TTN: variants seen among roughly 807,000 people sequenced by gnomAD.
TTN encodes titin.
In TTN, 1,525 loss-of-function variants were observed where a neutral mutation model predicts 3,223.0. That is an observed-to-expected ratio of 0.47 (90% CI 0.45 to 0.49). The LOEUF (loss-of-function observed/expected upper bound fraction) is 0.49. TTN is among the 20% of genes least tolerant of loss of function. The pLI is 0.00. For synonymous variants in TTN, 14,094 were observed against 15,161.0 expected, an observed-to-expected ratio of 0.93 and a Z score of 5.17; for missense variants, 40,786 against 43,424.0, an observed-to-expected ratio of 0.94 and a Z score of 5.40.
rs1577994546 is a variant in TTN at position 178,720,483 on chromosome 2, T to C, written c.23279A>G (p.His7760Arg). The C allele has an allele frequency of 6.2e-7, 1 of 1,613,726 alleles. No individual in the cohort carries two copies. Among genetic ancestry groups the C allele is most frequent in the Non-Finnish European group, 8.5e-7 (1 of 1,179,688 alleles). ...ITSKHFDTSL[H>R]ILNLEASDVG... ...ATCGGAGGCTTCAAGATTAAGGATA[T>C]GAAGACTTGTATCAAAATGTTTTGA... is the stretch of plus-strand genomic sequence containing the variant. Residue 7760 changes from histidine (H) to arginine (R), a missense_variant, in exon 80 of 363, where the codon CAT becomes CGT. By Grantham distance (29) the His-to-Arg change is conservative (BLOSUM62 0). Coordinates refer to ENST00000589042, the MANE Select transcript of TTN (RefSeq NM_001267550.2).
chr2:178,731,031 T>G lies in TTN; in HGVS notation c.17634A>C (p.Ser5878=). 3 of 1,613,688 alleles carry G rather than the reference T, an allele frequency of 1.9e-6. No homozygotes were observed. The highest frequency in any genetic ancestry group is 2.5e-6 in the Non-Finnish European group (3 of 1,179,706). ...TTTCTGTAGAAATAATCTTCAGTAT[T>G]GAGACTGTATCAGTGACACTGATTT... is the stretch of plus-strand genomic sequence containing the variant. ...KYKISVTDTV[S]ILKIISTEKK... Residue 5878 remains serine (S), a synonymous_variant, in exon 60 of 363, where the codon TCA becomes TCC. Coordinates refer to ENST00000589042, the MANE Select transcript of TTN (RefSeq NM_001267550.2).
rs764418855 is a variant in TTN at position 178,527,041 on chromosome 2, T to G, written c.107947A>C (p.Thr35983Pro). Reference protein sequence around the residue: ...LGNEFGSDSATVNIHIRSI With the variant: ...LGNEFGSDSAPVNIHIRSI Reference sequence around the variant, plus strand: ...ATGGATCGAATATGTATATTCACAGTGGCAGAGTCAGATCCAAATTCATTC... The same window carrying G: ...ATGGATCGAATATGTATATTCACAGGGGCAGAGTCAGATCCAAATTCATTC... The change falls in exon 363 of 363, where the codon ACT (threonine) becomes CCT (proline). Residue 35983 changes from threonine to proline, a missense_variant. Transcript: ENST00000589042. The G allele has an allele frequency of 4.3e-6, 7 of 1,613,748 alleles. No individual in the cohort carries two copies. Among genetic ancestry groups the G allele is most frequent in the Admixed American group, 1.7e-5 (1 of 60,020 alleles).
chr2:178,751,379 T>G (rs1314847514), intron 47 of TTN: 1 of 1,606,558 alleles, frequency 6.2e-7, no homozygotes, highest in South Asian at 1.1e-5. Flanking sequence ...TAAATATTCT[T>G]CATCATACAT....
At position 178,535,042 on chromosome 2, in the gene TTN, A is replaced by C; in HGVS notation, c.101573T>G (p.Val33858Gly). The C allele has an allele frequency of 2.5e-6, 4 of 1,613,858 alleles. No homozygotes were observed. The highest frequency in any genetic ancestry group is 3.4e-6 in the Non-Finnish European group (4 of 1,179,850). Residue 33858 changes from valine to glycine, a missense_variant, in exon 358 of 363, where the codon GTT becomes GGT. Physicochemically the swap from Val to Gly is moderately radical, Grantham distance 109 (BLOSUM62 -3). Coordinates refer to ENST00000589042, the MANE Select transcript of TTN (RefSeq NM_001267550.2). ...KFVKVKGTDQ[V>G]LVKKEISILN... is the part of the protein sequence containing the mutation. ...AATGGAAATTTCCTTCTTTACCAAA[A>C]CCTGATCAGTCCCTTTGACTTTAAC... is the stretch of plus-strand genomic sequence containing the variant.
At chr2:178,719,003 A>C in intron 83 of TTN, 30 bp from the exon 84 acceptor site, 1 of 1,541,986 alleles carries the variant, frequency 6.5e-7, no homozygotes. Context: ...AGGGGAGATA[A>C]AGAGAAGAAA....
rs369526268 is a variant in TTN at position 178,575,562 on chromosome 2, T to C, written c.70570A>G (p.Thr23524Ala). ...EYGIGEPTET[T>A]EPVKASEAPS... ...GCTTCAGAGGCTTTTACGGGCTCTG[T>C]AGTTTCTGTTGGCTCACCAATTCCA... The change falls in exon 326 of 363, where the codon ACA becomes GCA. Residue 23524 changes from threonine to alanine, a missense_variant. Thr to Ala is a moderately conservative substitution (Grantham distance 58, BLOSUM62 0). Coordinates refer to ENST00000589042, the MANE Select transcript of TTN (RefSeq NM_001267550.2). This position sits in a 1 kb window ranked among gnomAD's most constrained non-coding sequence, Gnocchi z 4.0. 90 of 1,613,562 alleles carry C rather than the reference T, an allele frequency of 5.6e-5. No individual in the cohort carries two copies. Among genetic ancestry groups the C allele is most frequent in the Non-Finnish European group, 7.3e-5 (86 of 1,179,668 alleles).
Position 178,601,478 on chromosome 2 carries a change from C to T in TTN, c.55519G>A (p.Gly18507Arg), listed in dbSNP as rs749948987. 6.2e-7 allele frequency: 1 copy of T among 1,613,016 alleles called. No homozygotes were observed. Among genetic ancestry groups the T allele is most frequent in the Non-Finnish European group, 8.5e-7 (1 of 1,179,314 alleles). Reference sequence around the variant, plus strand: ...ACATAGCCTTTGATCCTGTCTCCTCCATCGTCGTCTGGCATCTTCCATGAA... The same window carrying T: ...ACATAGCCTTTGATCCTGTCTCCTCTATCGTCGTCTGGCATCTTCCATGAA... The part of the protein sequence containing the change: ...RLSWKMPDDD[G>R]GDRIKGYVIE... Residue 18507 changes from glycine to arginine, a missense_variant, in exon 287 of 363, where the codon GGA (glycine) becomes AGA (arginine). Physicochemically the swap from Gly to Arg is moderately radical, Grantham distance 125. Coordinates refer to ENST00000589042, the MANE Select transcript of TTN (RefSeq NM_001267550.2).
In TTN at chr2:178,732,065, C is replaced by T. The variant is rs2080635532; in HGVS notation, c.16903+1G>A. 6.3e-7 allele frequency: 1 copy of T among 1,599,686 alleles called. No homozygotes were observed. The highest frequency in any genetic ancestry group is 8.5e-7 in the Non-Finnish European group (1 of 1,170,834). On this transcript the variant is annotated splice_donor_variant, in intron 57 of 362. Transcript: ENST00000589042. LOFTEE classifies it high-confidence loss of function. ...ACACAAGAGGCAAAGTGAACACAAA[C>T]CTTTGACTATTACAATGCTACTGCA...
At chr2:178,716,545 G>T (rs2077513434) in intron 88 of TTN, among the ~76,000 whole-genome samples, 2 of 152,150 alleles carry the variant, frequency 1.3e-5, no homozygotes, top group African/African-American at 4.8e-5. Context: ...CGATAAACAT[G>T]TGGCAGAAAC....
Position 178,636,037 on chromosome 2 carries a change from G to C in TTN, c.41534C>G (p.Thr13845Arg). The change falls in exon 226 of 363, where the codon ACA (threonine) becomes AGA (arginine). Residue 13845 changes from threonine (T) to arginine (R), a missense_variant. Transcript: ENST00000589042. This position sits in a 1 kb window ranked among gnomAD's most constrained non-coding sequence, Gnocchi z 4.3. Reference sequence around the variant, plus strand: ...AGTAACTGTGTATGTTCCAGCATCTGTGTCATCTGCATCGTTGATGGTCAG... The same window carrying C: ...AGTAACTGTGTATGTTCCAGCATCTCTGTCATCTGCATCGTTGATGGTCAG... ...RALTINDADD[T>R]DAGTYTVTVE... 2 of 1,613,204 alleles carry C rather than the reference G, an allele frequency of 1.2e-6. No individual in the cohort carries two copies. Among genetic ancestry groups the C allele is most frequent in the East Asian group, 2.2e-5 (1 of 44,768 alleles).
chr2:178,652,769 G>A, intron 200 of TTN, 33 bp from the exon 201 acceptor site: 3 of 1,609,322 alleles, frequency 1.9e-6, no homozygotes, highest in Non-Finnish European at 1.7e-6. Flanking sequence ...ACATTTAGGG[G>A]TTATGAAGAC....
intron 164 of TTN, 103 bp from the exon 165 acceptor site, chr2:178,665,563 C>A: frequency 2.2e-6 from 3 of 1,387,464 alleles, no homozygotes; most frequent in South Asian, 1.3e-5. Context: ...AAGATGATTC[C>A]TTTAAAGAAT....
In TTN at chr2:178,715,012, G is replaced by A. The variant is rs1342253967; in HGVS notation, c.26174C>T (p.Thr8725Ile). 12 of 1,612,146 alleles carry A rather than the reference G, an allele frequency of 7.4e-6. No homozygotes were observed. The highest frequency in any genetic ancestry group is 5.3e-5 in the African/African-American group (4 of 74,892). Residue 8725 changes from threonine to isoleucine, a missense_variant, in exon 90 of 363, where the codon ACT becomes ATT. Coordinates refer to ENST00000589042, the MANE Select transcript of TTN (RefSeq NM_001267550.2). ...TTTGAGAGCGATGGAACCAACGCAAGTGTCGCTTCCCACATCATTTGTGGC... is the reference window on the plus strand; with the variant it reads ...TTTGAGAGCGATGGAACCAACGCAAATGTCGCTTCCCACATCATTTGTGGC... ...CKATNDVGSD[T>I]CVGSIALKAP...
In TTN at chr2:178,609,294, G is replaced by T; in HGVS notation, c.52016C>A (p.Ser17339Tyr). 1 of 1,598,878 alleles carries T rather than the reference G, an allele frequency of 6.3e-7. No individual in the cohort carries two copies. The highest frequency in any genetic ancestry group is 1.1e-5 in the South Asian group (1 of 88,176). ...ATACAGACCATGGTCAGGTCGGAGA[G>T]AATCTCGGACGCGTAGCTGAGATTC... ...KGESQLRVRD[S>Y]LRPDHGLYMI... is the part of the protein sequence containing the mutation. The change falls in exon 273 of 363, where the codon TCT (serine) becomes TAT (tyrosine). Residue 17339 changes from serine to tyrosine, a missense_variant. Coordinates refer to ENST00000589042, the MANE Select transcript of TTN (RefSeq NM_001267550.2).
chr2:178,567,997 A>G lies in TTN; in HGVS notation c.78135T>C (p.Ile26045=). 6.2e-7 allele frequency: 1 copy of G among 1,613,472 alleles called. No individual in the cohort carries two copies. Among genetic ancestry groups the G allele is most frequent in the Non-Finnish European group, 8.5e-7 (1 of 1,179,594 alleles). The change falls in exon 326 of 363, where the codon ATT becomes ATC. Residue 26045 remains isoleucine, a synonymous_variant. Coordinates refer to ENST00000589042, the MANE Select transcript of TTN (RefSeq NM_001267550.2). ...TCTGTGCTTTGAATTGGGTGTCATG[A>G]ATAATAGTTTTGTTGACCTTTGTCC... ...ILWTKVNKTI[I]HDTQFKAQNL...
In TTN at chr2:178,613,877, A is replaced by G; in HGVS notation, c.49406T>C (p.Leu16469Pro). The G allele has an allele frequency of 6.2e-7, 1 of 1,611,328 alleles. No individual in the cohort carries two copies. Among genetic ancestry groups the G allele is most frequent in the Non-Finnish European group, 8.5e-7 (1 of 1,178,646 alleles). The change falls in exon 263 of 363, where the codon CTC (leucine) becomes CCC (proline). Residue 16469 changes from leucine to proline, a missense_variant. Physicochemically the swap from Leu to Pro is moderately conservative, Grantham distance 98 (BLOSUM62 -3). Coordinates refer to ENST00000589042, the MANE Select transcript of TTN (RefSeq NM_001267550.2). ...ATCATCATCTGGCTCACACCATGTGAGAGTCACTGCGTCTTTAGTGATATC... is the reference window on the plus strand; with the variant it reads ...ATCATCATCTGGCTCACACCATGTGGGAGTCACTGCGTCTTTAGTGATATC... ...PSDITKDAVT[L>P]TWCEPDDDGG...
rs201904848 is a variant in TTN at position 178,721,051 on chromosome 2, G to A, written c.22968C>T (p.Asn7656=). ...ATGCCACAGAATTAATGAATGACAT[G>A]TTGTATTTCCAACTTTCATGAAGTT... is the stretch of plus-strand genomic sequence containing the variant. ...DSELHESWKY[N]MSFINSVALL... Residue 7656 remains asparagine, a synonymous_variant, in exon 79 of 363, where the codon AAC becomes AAT. Transcript: ENST00000589042. 159 of 1,613,252 alleles carry A rather than the reference G, an allele frequency of 9.9e-5. No homozygotes were observed. The highest frequency in any genetic ancestry group is 1.3e-4 in the Non-Finnish European group (154 of 1,179,428).
At position 178,578,878 on chromosome 2, in the gene TTN, C is replaced by A; in HGVS notation, c.68152G>T (p.Val22718Phe). The change falls in exon 320 of 363, where the codon GTC (valine) becomes TTC (phenylalanine). Residue 22718 changes from valine (V) to phenylalanine (F), a missense_variant. Coordinates refer to ENST00000589042, the MANE Select transcript of TTN (RefSeq NM_001267550.2). The part of the protein sequence containing the change: ...LHEGMEYTFR[V>F]SAENKYGVGE... ...ACACCATATTTATTTTCGGCACTGA[C>A]CCTGAAGGTATATTCCATGCCCTCA... is the stretch of plus-strand genomic sequence containing the variant. The A allele has an allele frequency of 6.2e-7, 1 of 1,613,290 alleles. No homozygotes were observed. The highest frequency in any genetic ancestry group is 8.5e-7 in the Non-Finnish European group (1 of 1,179,466).
At chr2:178,630,467 T>A in intron 238 of TTN, 100 bp from the exon 239 acceptor site, 1 of 1,389,636 alleles carries the variant, frequency 7.2e-7, no homozygotes, top group Non-Finnish European at 9.7e-7. Context: ...AACAAATAAA[T>A]GGTGATGAAA....
Sources: allele counts gnomAD v4.1 joint callset (sites outside exome capture counted in the v4.1 genomes callset), GRCh38; gene constraint gnomAD v4.1.1; non-coding constraint Gnocchi (gnomAD v3.1); transcripts MANE v1.5; gene names NCBI Gene and HGNC (gene_info 2026-07-23, HGNC 2026-07-21).